The following PTPRK variants were observed in gnomAD, a reference collection of about 807,000 sequenced individuals.
PTPRK encodes receptor-type tyrosine-protein phosphatase kappa.
In PTPRK, 75 loss-of-function variants were observed where a neutral mutation model predicts 178.0. That is an observed-to-expected ratio of 0.42 (90% CI 0.35 to 0.51). PTPRK has a LOEUF of 0.51. PTPRK is among the 20% of genes least tolerant of loss of function. The pLI is 0.02. For missense variants in PTPRK, 1,441 were observed against 1,797.8 expected (o/e 0.80, Z 3.59); for synonymous variants, 637 against 620.6 (o/e 1.03, Z -0.39).
chr6:128,147,987 GA>G (rs11431379), intron 7 of PTPRK, among the ~76,000 whole-genome samples: 2 of 150,804 alleles, frequency 1.3e-5, no homozygotes, highest in African/African-American at 4.9e-5. Flanking sequence ...ATGTGATGGA[GA>G]AAAAAAAACC....
At chr6:128,116,659 T>C (rs1791573164) in intron 7 of PTPRK, among the ~76,000 whole-genome samples, 1 of 152,020 alleles carries the variant, frequency 6.6e-6, no homozygotes, top group Non-Finnish European at 1.5e-5. Context: ...TAGAGGAGAG[T>C]TGTGGAATTT....
intron 6 of PTPRK, among the ~76,000 whole-genome samples, chr6:128,205,408 C>G (rs191160394): frequency 4.0e-4 from 61 of 151,896 alleles, no homozygotes; most frequent in Admixed American, 2.0e-3. Flanking sequence ...GCACATGTAC[C>G]CCTGAACTTA....
At chr6:128,352,091 C>A (rs1436450447) in intron 2 of PTPRK, among the ~76,000 whole-genome samples, 1 of 150,876 alleles carries the variant, frequency 6.6e-6, no homozygotes, top group Non-Finnish European at 1.5e-5. Context: ...CTGTCTCTAC[C>A]AAAAATACAA....
intron 3 of PTPRK, among the ~76,000 whole-genome samples, chr6:128,252,799 A>T (rs910818769): frequency 6.6e-6 from 1 of 152,170 alleles, no homozygotes; most frequent in African/African-American, 2.4e-5. Context: ...AAAGATTAAA[A>T]GATATTATAC....
intron 13 of PTPRK, among the ~76,000 whole-genome samples, chr6:128,060,762 T>C (rs1780670104): frequency 6.6e-6 from 1 of 152,202 alleles, no homozygotes; most frequent in Non-Finnish European, 1.5e-5. Flanking sequence ...AACTGACTGC[T>C]TTGTTACTAA....
At chr6:128,320,667 C>T (rs1386823518) in intron 3 of PTPRK, among the ~76,000 whole-genome samples, 1 of 152,096 alleles carries the variant, frequency 6.6e-6, no homozygotes, top group Non-Finnish European at 1.5e-5. Context: ...ATGACAGATT[C>T]TCATGAAATC....
chr6:128,295,738 G>T (rs753909458), intron 3 of PTPRK, among the ~76,000 whole-genome samples: 9 of 151,976 alleles, frequency 5.9e-5, no homozygotes, highest in Non-Finnish European at 1.0e-4. Flanking sequence ...ACATATTAAG[G>T]TGATTATTTT....
chr6:127,990,185 A>G (rs1030521697), intron 21 of PTPRK, among the ~76,000 whole-genome samples: 4 of 151,942 alleles, frequency 2.6e-5, no homozygotes, highest in Admixed American at 2.0e-4. Context: ...CAATTTTGTG[A>G]TTTCTCTGCC....
intron 2 of PTPRK, among the ~76,000 whole-genome samples, chr6:128,367,389 G>A (rs921998060): frequency 2.0e-5 from 3 of 152,126 alleles, no homozygotes; most frequent in African/African-American, 7.2e-5. Flanking sequence ...TGTAAAACCA[G>A]CCATTAGAAT....
chr6:128,336,104 A>G (rs1290905628), intron 2 of PTPRK, among the ~76,000 whole-genome samples: 1 of 152,174 alleles, frequency 6.6e-6, no homozygotes, highest in African/African-American at 2.4e-5. Flanking sequence ...AAATACAATC[A>G]CCCAAAGATA....
chr6:128,001,263 A>C, intron 15 of PTPRK: 1 of 1,386,076 alleles, frequency 7.2e-7, no homozygotes, highest in Middle Eastern at 1.8e-4. Context: ...TCAGTATGAA[A>C]AGTTTCTAAG....
chr6:128,323,521 T>C (rs540929368), intron 2 of PTPRK, among the ~76,000 whole-genome samples: 1 of 152,212 alleles, frequency 6.6e-6, no homozygotes, highest in African/African-American at 2.4e-5. Flanking sequence ...TCTTCTGCAT[T>C]CCCTCCCCAA....
At chr6:128,366,492 A>G (rs1202832551) in intron 2 of PTPRK, among the ~76,000 whole-genome samples, 1 of 152,150 alleles carries the variant, frequency 6.6e-6, no homozygotes, top group Non-Finnish European at 1.5e-5. Context: ...CTAAGCATCT[A>G]TTTGTACCAA....
At chr6:128,462,758 C>T (rs527924488) in intron 1 of PTPRK, among the ~76,000 whole-genome samples, 6 of 151,898 alleles carry the variant, frequency 4.0e-5, no homozygotes, top group South Asian at 2.1e-4. Flanking sequence ...AGGGTTCAAG[C>T]GATTCTCCTG....
At chr6:128,331,958 A>AAAAAAT (rs1830338775) in intron 2 of PTPRK, among the ~76,000 whole-genome samples, 2 of 152,048 alleles carry the variant, frequency 1.3e-5, no homozygotes, top group African/African-American at 4.8e-5. Context: ...TGAAAATAGA[A>AAAAAAT]AAATGTATGG....
chr6:128,116,341 G>A (rs187843434), intron 7 of PTPRK, among the ~76,000 whole-genome samples: 40 of 151,642 alleles, frequency 2.6e-4, no homozygotes, highest in Non-Finnish European at 5.5e-4. Flanking sequence ...GATATAATCT[G>A]ACCCTTATTT....
intron 2 of PTPRK, among the ~76,000 whole-genome samples, chr6:128,328,682 A>G (rs1829880977): frequency 6.6e-6 from 1 of 152,152 alleles, no homozygotes. Context: ...TTGTGATACT[A>G]AGGATATCAA....
intron 1 of PTPRK, chr6:128,501,253 T>C (rs1302558291): frequency 6.6e-6 from 1 of 152,128 alleles, no homozygotes; most frequent in African/African-American, 2.4e-5. Flanking sequence ...GGAAAGTAAA[T>C]TTTTTTCCTG....
intron 13 of PTPRK, among the ~76,000 whole-genome samples, chr6:128,053,664 G>C (rs1779428806): frequency 6.6e-6 from 1 of 151,998 alleles, no homozygotes; most frequent in Non-Finnish European, 1.5e-5. Flanking sequence ...TTCCCACATG[G>C]GGTTGTGCCA....
Sources: gnomAD v4.1 joint callset for allele counts (sites outside exome capture counted in the v4.1 genomes callset) on GRCh38, gnomAD v4.1.1 for gene constraint, MANE v1.5 for transcripts, NCBI Gene and HGNC (gene_info 2026-07-23, HGNC 2026-07-21) for gene names.